RBFOX2: variants seen among roughly 807,000 people sequenced by gnomAD.
RBFOX2 encodes the protein RNA binding protein fox-1 homolog 2.
RBFOX2 carries 10 observed loss-of-function variants against 49.1 expected under a neutral mutation model. That is an observed-to-expected ratio of 0.20 (90% confidence interval 0.13 to 0.35). RBFOX2 has a LOEUF of 0.35. RBFOX2 is among the 10% of genes least tolerant of loss of function. The pLI is 1.00. For missense variants in RBFOX2, 323 were observed against 486.9 expected, an observed-to-expected ratio of 0.66 and a Z score of 3.17; for synonymous variants, 183 against 187.4, an observed-to-expected ratio of 0.98 and a Z score of 0.19.
intron 2 of RBFOX2, among the ~76,000 whole-genome samples, chr22:35,804,226 C>T (rs1603193867): frequency 1.3e-5 from 2 of 150,994 alleles, no homozygotes; most frequent in South Asian, 2.1e-4. Flanking sequence ...TGTACTGAGC[C>T]GAGATTGCAC....
chr22:35,832,814 A>AG (rs1366119680), intron 1 of RBFOX2, among the ~76,000 whole-genome samples: 2 of 152,212 alleles, frequency 1.3e-5, no homozygotes, highest in African/African-American at 2.4e-5. Context: ...ACTGTACTCC[A>AG]GCCTGGGCAA....
chr22:35,798,713 T>G (rs1949240809), intron 2 of RBFOX2, among the ~76,000 whole-genome samples: 1 of 152,170 alleles, frequency 6.6e-6, no homozygotes, highest in African/African-American at 2.4e-5. Flanking sequence ...AAAAATTATT[T>G]AAGGACTGAT....
In RBFOX2 at chr22:35,825,427, A is replaced by G. The variant is rs1264904427; in HGVS notation, c.27+14765T>C. ...CCTTCAAATAAATTTTGACTAAGTG[A>G]AAAAAAAAAAAAAAGAAAAAGTTTA... On this transcript the variant is annotated intron_variant, in intron 1 of 11. Transcript: ENST00000405409. Among the ~76,000 whole-genome samples the G allele has an allele frequency of 3.6e-5, 5 of 138,978 alleles. No homozygotes were observed. The South Asian group carries it at 6.9e-4, about 19-fold the overall frequency. The allele number at this position is 138,978 out of a possible 152,430, so 91.2% of individuals were successfully genotyped here. A position where few individuals can be genotyped will look rare whatever the true frequency, so the allele number is the denominator to read the frequency against.
At chr22:35,937,118 C>T (rs2053169513) in intron 1 of RBFOX2, among the ~76,000 whole-genome samples, 2 of 152,158 alleles carry the variant, frequency 1.3e-5, no homozygotes, top group South Asian at 4.1e-4. Flanking sequence ...AGCAGAATCA[C>T]CTTTGGGATT....
At chr22:35,955,191 C>T (rs1246330112) in intron 1 of RBFOX2, among the ~76,000 whole-genome samples, 1 of 152,164 alleles carries the variant, frequency 6.6e-6, no homozygotes, top group Non-Finnish European at 1.5e-5. Context: ...AGAACTAGAG[C>T]TGCAATTCTC....
At chr22:35,758,281 T>C (rs781611955) in intron 9 of RBFOX2, among the ~76,000 whole-genome samples, 2 of 152,224 alleles carry the variant, frequency 1.3e-5, no homozygotes, top group Non-Finnish European at 2.9e-5. Context: ...ACAGACTTGG[T>C]AGAGAATGGG....
At chr22:35,825,188 C>G (rs1307429253) in intron 1 of RBFOX2, among the ~76,000 whole-genome samples, 1 of 152,158 alleles carries the variant, frequency 6.6e-6, no homozygotes, top group East Asian at 1.9e-4. Flanking sequence ...CCACTGTACT[C>G]CAGCCTGGGA....
In RBFOX2 at chr22:36,008,632, C is replaced by T. The variant is rs192652871; in HGVS notation, c.186+19608G>A. On this transcript the variant is annotated intron_variant, in intron 1 of 13. Coordinates refer to the RBFOX2 transcript ENST00000438146. ...AGGAGTTTAAGACCAGCCTGGCCAA[C>T]ACAGTGAAACCCCACCTCTACTAAA... is the stretch of plus-strand genomic sequence containing the variant. Among the ~76,000 whole-genome samples, 122 of 152,162 alleles carry T rather than the reference C, an allele frequency of 8.0e-4. 1 individual carries two copies. Among genetic ancestry groups the T allele is most frequent in the African/African-American group, 2.8e-3 (115 of 41,510 alleles).
chr22:35,976,876 A>G, intron 1 of RBFOX2, among the ~76,000 whole-genome samples: 1 of 152,020 alleles, frequency 6.6e-6, no homozygotes, highest in Non-Finnish European at 1.5e-5. Context: ...AGGCAGGAGA[A>G]TCTCTTGAAC....
At chr22:35,806,396 T>C (rs1172584892) in intron 2 of RBFOX2, among the ~76,000 whole-genome samples, 1 of 152,076 alleles carries the variant, frequency 6.6e-6, no homozygotes, top group African/African-American at 2.4e-5. Flanking sequence ...TGTATGACAA[T>C]AGCACAAAGG....
At chr22:35,976,036 T>G (rs986107928) in intron 1 of RBFOX2, among the ~76,000 whole-genome samples, 1 of 152,218 alleles carries the variant, frequency 6.6e-6, no homozygotes, top group Non-Finnish European at 1.5e-5. Flanking sequence ...CCTTCACTAC[T>G]GTCCTTAAAG....
At chr22:35,790,202 T>C (rs1476505739) in intron 2 of RBFOX2, among the ~76,000 whole-genome samples, 9 of 152,270 alleles carry the variant, frequency 5.9e-5, no homozygotes, top group Admixed American at 5.2e-4. Flanking sequence ...CAACATAGCC[T>C]ATGCTTGTTT....
chr22:35,896,920 G>A (rs1569469458), intron 1 of RBFOX2, among the ~76,000 whole-genome samples: 2 of 152,114 alleles, frequency 1.3e-5, no homozygotes, highest in Non-Finnish European at 2.9e-5. Context: ...TCCATAAAGT[G>A]TTACTTAGAC....
chr22:35,781,877 A>G, intron 2 of RBFOX2, 131 bp from the exon 4 acceptor site: 1 of 1,005,658 alleles, frequency 9.9e-7, no homozygotes, highest in African/African-American at 1.6e-5. Context: ...CAAAGACAAA[A>G]GCAACAACAA....
intron 2 of RBFOX2, among the ~76,000 whole-genome samples, chr22:35,793,683 C>T (rs1948220872): frequency 6.6e-6 from 1 of 152,126 alleles, no homozygotes; most frequent in Admixed American, 6.5e-5. Flanking sequence ...GAGCAACTCC[C>T]TATTTAAGAA....
At chr22:35,993,185 G>T (rs1161118041) in intron 1 of RBFOX2, 1 of 152,050 alleles carries the variant, frequency 6.6e-6, no homozygotes, top group African/African-American at 2.4e-5. Flanking sequence ...GCCTCAAAAG[G>T]ACCATTTTGA....
In RBFOX2 at chr22:35,932,324, G is replaced by GA. The variant is rs200438934; in HGVS notation, c.-34+6522dup. 5.4e-5 allele frequency among the ~76,000 whole-genome samples: 8 copies of GA among 147,278 alleles called. 1 individual carries two copies. Among genetic ancestry groups the GA allele is most frequent in the Admixed American group, 2.7e-4 (4 of 14,842 alleles). Reference sequence around the variant, plus strand: ...CCATGAAAAAACTGGTTAGAAAAAAGAAAAAAAAAATCTTGAGGAAAGAAA... The same window carrying GA: ...CCATGAAAAAACTGGTTAGAAAAAAGAAAAAAAAAAATCTTGAGGAAAGAAA... On this transcript the variant is annotated intron_variant, in intron 1 of 13. Transcript: ENST00000359369.
At position 35,970,476 on chromosome 22, in the gene RBFOX2, C is replaced by T. The variant is rs1368380221; in HGVS notation, c.187-31579G>A. 2.2e-5 allele frequency among the ~76,000 whole-genome samples: 3 copies of T among 137,652 alleles called. No individual in the cohort carries two copies. In the East Asian group the frequency reaches 6.0e-4, roughly 28 times the overall value. The allele number at this position is 137,652 out of a possible 152,430, so 90.3% of individuals were successfully genotyped here. On this transcript the variant is annotated intron_variant, in intron 1 of 13. Coordinates refer to the RBFOX2 transcript ENST00000438146. The stretch of plus-strand genomic sequence containing the variant: ...CCAGCCTGGGCAATACAGTGAGACC[C>T]ATCTCAAAAAAAAAAAAAACACACA...
Position 35,745,620 on chromosome 22 carries a change from A to G in RBFOX2, c.1049+303T>C, listed in dbSNP as rs371076084. Among the ~76,000 whole-genome samples the G allele has an allele frequency of 1.1e-4, 17 of 152,304 alleles. 1 individual carries two copies. The highest frequency in any genetic ancestry group is 4.1e-4 in the African/African-American group (17 of 41,554). ...GAAACTATGCCACAGGTATGCACTC[A>G]ACATTTGAACCAATAGAAAACATTC... On this transcript the variant is annotated intron_variant, in intron 11 of 11. Coordinates refer to ENST00000405409, the Ensembl canonical transcript of RBFOX2.
Sources: gnomAD v4.1 joint callset for allele counts (sites outside exome capture counted in the v4.1 genomes callset) on GRCh38, gnomAD v4.1.1 for gene constraint, MANE v1.5 for transcripts, NCBI Gene and HGNC (gene_info 2026-07-23, HGNC 2026-07-21) for gene names.